ARFGEF1: variants seen among roughly 807,000 people sequenced by gnomAD.
ARFGEF1 encodes the protein brefeldin A-inhibited guanine nucleotide-exchange protein 1.
Under a neutral mutation model 231.0 loss-of-function variants are expected in ARFGEF1, and 42 were observed. The ratio of observed to expected loss-of-function variants is 0.18; its 90% CI spans 0.14 to 0.24. The LOEUF (loss-of-function observed/expected upper bound fraction) is 0.24, where lower values mean the gene tolerates loss of function less well. Ranked by LOEUF, ARFGEF1 falls within the 10% of genes least tolerant of loss-of-function variation. ARFGEF1 has a pLI of 1.00. For missense variants in ARFGEF1, 1,345 were observed against 2,192.0 expected (o/e 0.61, Z 7.72); for synonymous variants, 710 against 732.3 (o/e 0.97, Z 0.49).
chr8:67,311,682 C>T (rs1363059695), intron 1 of ARFGEF1, among the ~76,000 whole-genome samples: 3 of 152,144 alleles, frequency 2.0e-5, no homozygotes, highest in Non-Finnish European at 2.9e-5. Context: ...GCCCGGCCGC[C>T]CCTACTGGGA....
intron 1 of ARFGEF1, 137 bp downstream of exon 1, chr8:67,343,027 C>G (rs1808719619): frequency 9.7e-7 from 1 of 1,035,624 alleles, no homozygotes; most frequent in African/African-American, 1.6e-5. Context: ...AGACAGGGAA[C>G]AGAGGGCTCC....
At chr8:67,241,732 C>A (rs1425515880) in intron 19 of ARFGEF1, among the ~76,000 whole-genome samples, 23 of 152,130 alleles carry the variant, frequency 1.5e-4, no homozygotes, top group African/African-American at 5.1e-4. Flanking sequence ...ACAAAAAAAA[C>A]ACCTTCATAA....
intron 29 of ARFGEF1, among the ~76,000 whole-genome samples, chr8:67,222,262 TGTATGTA>T (rs1448657348): frequency 7.0e-6 from 1 of 142,606 alleles, no homozygotes; most frequent in Non-Finnish European, 1.5e-5. Context: ...TATGTATGTA[TGTATGTA>T]TTTTTTTTTT....
intron 1 of ARFGEF1, among the ~76,000 whole-genome samples, chr8:67,308,380 C>G (rs911008974): frequency 2.8e-4 from 43 of 152,196 alleles, no homozygotes; most frequent in African/African-American, 1.0e-3. Flanking sequence ...GGAGAGACAG[C>G]TACCTAGAGG....
At chr8:67,236,364 AAATATATAT>A (rs1363313037) in intron 22 of ARFGEF1, among the ~76,000 whole-genome samples, 12 of 36,754 alleles carry the variant, frequency 3.3e-4, no homozygotes, top group East Asian at 1.0e-3. Flanking sequence ...AAAAAAAAAA[AAATATATAT>A]ATATATATAT....
intron 34 of ARFGEF1, among the ~76,000 whole-genome samples, chr8:67,209,866 G>A (rs1238877126): frequency 3.3e-5 from 5 of 151,906 alleles, no homozygotes; most frequent in Non-Finnish European, 5.9e-5. Context: ...AAAGTAGGGT[G>A]CTCCTGCCGG....
Position 67,253,502 on chromosome 8 carries a change from A to G in ARFGEF1, c.2647T>C (p.Ser883Pro). ...GTTAGTTCTTTTGTTTCTTTCATTGATATCTTTTTCCCAGCTATTTCATTA... is the reference window on the plus strand; with the variant it reads ...GTTAGTTCTTTTGTTTCTTTCATTGGTATCTTTTTCCCAGCTATTTCATTA... ...IYNEIAGKKI[S>P]MKETKELTIP... Residue 883 changes from serine (S) to proline (P), a missense_variant, in exon 18 of 39, where the codon TCA becomes CCA. Transcript: ENST00000262215. The G allele has an allele frequency of 1.3e-6, 2 of 1,587,088 alleles. No individual in the cohort carries two copies. The highest frequency in any genetic ancestry group is 1.7e-6 in the Non-Finnish European group (2 of 1,157,220).
At chr8:67,303,826 C>T (rs1806613206) in intron 1 of ARFGEF1, among the ~76,000 whole-genome samples, 1 of 152,044 alleles carries the variant, frequency 6.6e-6, no homozygotes, top group Admixed American at 6.6e-5. Context: ...AGTACTACTA[C>T]ACTTTACATA....
At chr8:67,251,698 A>G (rs1840289023) in intron 18 of ARFGEF1, among the ~76,000 whole-genome samples, 2 of 152,174 alleles carry the variant, frequency 1.3e-5, no homozygotes, top group African/African-American at 2.4e-5. Flanking sequence ...TAATTGCTTG[A>G]TGAGTTTGGA....
At chr8:67,265,956 A>G in intron 14 of ARFGEF1, 50 bp downstream of exon 14, 8 of 1,573,374 alleles carry the variant, frequency 5.1e-6, no homozygotes, top group Non-Finnish European at 7.0e-6. Flanking sequence ...GTGGCACTAT[A>G]CTGGCAGAGA....
At chr8:67,251,265 A>T in intron 19 of ARFGEF1, 34 bp downstream of exon 19, 4 of 1,554,686 alleles carry the variant, frequency 2.6e-6, no homozygotes, top group African/African-American at 1.4e-5. Context: ...ATATAAATGT[A>T]CACTGCAATC....
intron 9 of ARFGEF1, among the ~76,000 whole-genome samples, chr8:67,274,020 A>G (rs1805209598): frequency 6.6e-6 from 1 of 152,230 alleles, no homozygotes; most frequent in Non-Finnish European, 1.5e-5. Context: ...TACACTGTAC[A>G]TGCTAAAAAA....
rs201356732 is a variant in ARFGEF1, at chr8:67,343,298, A to G, written c.-11T>C. 1,469 of 1,611,632 alleles carry G rather than the reference A, an allele frequency of 9.1e-4. No individual in the cohort carries two copies. The highest frequency in any genetic ancestry group is 1.1e-3 in the Non-Finnish European group (1,355 of 1,178,340). On this transcript the variant is annotated 5_prime_UTR_variant, in exon 1 of 39. Coordinates refer to ENST00000262215, the MANE Select transcript of ARFGEF1 (RefSeq NM_006421.5). The stretch of plus-strand genomic sequence containing the variant: ...CTTCCCCTCATACATGGACGCAGAG[A>G]AGGAGGCGGCGGCTCGTCCGACCCG...
intron 6 of ARFGEF1, among the ~76,000 whole-genome samples, chr8:67,289,677 C>G (rs1408741390): frequency 2.0e-5 from 3 of 151,644 alleles, no homozygotes; most frequent in Non-Finnish European, 4.4e-5. Context: ...CTGTAGTATC[C>G]CAAAAATACT....
chr8:67,192,773 C>T (rs1836733488), downstream of ARFGEF1, among the ~76,000 whole-genome samples: 1 of 152,162 alleles, frequency 6.6e-6, no homozygotes. Flanking sequence ...GACTGTTCTC[C>T]CACTGCATTT....
chr8:67,186,443 A>G (rs1422172278), intron 5 of ARFGEF1, among the ~76,000 whole-genome samples: 3 of 151,972 alleles, frequency 2.0e-5, no homozygotes, highest in African/African-American at 7.3e-5. Flanking sequence ...AAAGTCCAAG[A>G]ATACCATGAA....
At chr8:67,216,212 TA>T (rs766314706) in intron 33 of ARFGEF1, among the ~76,000 whole-genome samples, 12 of 152,158 alleles carry the variant, frequency 7.9e-5, no homozygotes, top group Non-Finnish European at 1.2e-4. Context: ...AAATTCATAA[TA>T]AAACTTAATC....
Position 67,266,013 on chromosome 8 carries a change from T to A in ARFGEF1, c.2116A>T (p.Ile706Leu), listed in dbSNP as rs1277220113. 1 of 1,613,338 alleles carries A rather than the reference T, an allele frequency of 6.2e-7. No homozygotes were observed. The highest frequency in any genetic ancestry group is 1.3e-5 in the African/African-American group (1 of 74,908). Residue 706 changes from isoleucine (I) to leucine (L), a missense_variant, in exon 14 of 39, where the codon ATA becomes TTA. Around this residue, in one of 14 missense-constraint regions of ARFGEF1, gnomAD observed 105 missense variants for 159.3 expected, o/e 0.66. Coordinates refer to ENST00000262215, the MANE Select transcript of ARFGEF1 (RefSeq NM_006421.5). ...TTAAGCTATGACACTTACAAATCTA[T>A]CCCTTGTTCTATTATTTCTTTTTGT... Reference protein sequence around the residue: ...KQQKEIIEQGIDLFNKKPKRG... With the variant: ...KQQKEIIEQGLDLFNKKPKRG...
chr8:67,320,217 C>T (rs1429408994), intron 1 of ARFGEF1, among the ~76,000 whole-genome samples: 10 of 97,856 alleles, frequency 1.0e-4, no homozygotes, highest in Admixed American at 5.1e-4. Flanking sequence ...GAGCAAAACG[C>T]TATCTCAAAA....
Sources: gnomAD v4.1 joint callset for allele counts (sites outside exome capture counted in the v4.1 genomes callset) on GRCh38, gnomAD v4.1.1 for gene constraint, gnomAD v4.1.1 regional missense constraint, MANE v1.5 for transcripts, NCBI Gene and HGNC (gene_info 2026-07-23, HGNC 2026-07-21) for gene names.